HDAC9: variants seen among roughly 807,000 people sequenced by gnomAD.
HDAC9 encodes MEF-2 interacting transcription repressor (MITR) protein.
HDAC9 carries 41 observed loss-of-function variants against 139.4 expected under a neutral mutation model. The observed-to-expected ratio is 0.29, with a 90% CI of 0.23 to 0.38. The LOEUF is 0.38. HDAC9 is among the 10% of genes least tolerant of loss of function. The probability of loss-of-function intolerance (pLI) is 1.00; values close to 1 mark genes in which losing one functional copy is unlikely to be tolerated. For missense variants in HDAC9, 1,147 were observed against 1,297.0 expected (o/e 0.88, Z 1.78); for synonymous variants, 517 against 476.2 (o/e 1.09, Z -1.12).
intron 22 of HDAC9, among the ~76,000 whole-genome samples, chr7:18,921,867 G>C (rs1367900257): frequency 1.3e-5 from 2 of 152,024 alleles, no homozygotes; most frequent in Admixed American, 6.6e-5. Context: ...AGAAAATGTG[G>C]CACATATGCA....
At chr7:18,312,255 C>A (rs116934149) in intron 1 of HDAC9, among the ~76,000 whole-genome samples, 1,723 of 152,286 alleles carry the variant, frequency 0.011, 13 homozygotes, top group South Asian at 0.026. Context: ...ATCTATTTCT[C>A]CATCTTTTCC....
chr7:18,926,300 T>G (rs1465570965), intron 22 of HDAC9, among the ~76,000 whole-genome samples: 2 of 152,128 alleles, frequency 1.3e-5, no homozygotes, highest in Non-Finnish European at 2.9e-5. Context: ...TGAGCTATGA[T>G]GATGCCACTA....
intron 23 of HDAC9, among the ~76,000 whole-genome samples, chr7:18,936,368 A>C (rs566640628): frequency 6.6e-6 from 1 of 152,244 alleles, no homozygotes; most frequent in Admixed American, 6.5e-5. Flanking sequence ...AGGTATTTCC[A>C]TCTTACAGAT....
chr7:18,912,294 G>A (rs1470113027), intron 22 of HDAC9, among the ~76,000 whole-genome samples: 1 of 151,892 alleles, frequency 6.6e-6, no homozygotes, highest in Non-Finnish European at 1.5e-5. Context: ...ACTTTTCTCA[G>A]CTGTGAAAAT....
At chr7:18,901,388 T>C (rs570583348) in intron 22 of HDAC9, among the ~76,000 whole-genome samples, 1 of 152,218 alleles carries the variant, frequency 6.6e-6, no homozygotes, top group South Asian at 2.1e-4. Flanking sequence ...CGCCTGTTAT[T>C]TGTCTGCATT....
intron 8 of HDAC9, among the ~76,000 whole-genome samples, chr7:18,636,507 C>T (rs937962574): frequency 6.6e-6 from 1 of 152,024 alleles, no homozygotes; most frequent in Non-Finnish European, 1.5e-5. Flanking sequence ...ATATACCTTC[C>T]TTCTAGATTT....
At chr7:18,208,339 C>T (rs1562749777) in intron 2 of HDAC9, among the ~76,000 whole-genome samples, 2 of 151,012 alleles carry the variant, frequency 1.3e-5, no homozygotes, top group Non-Finnish European at 2.9e-5. Flanking sequence ...TGGGATGGAC[C>T]TAGTCATTTG....
At chr7:18,729,867 A>G (rs1048936376) in intron 13 of HDAC9, among the ~76,000 whole-genome samples, 4 of 152,224 alleles carry the variant, frequency 2.6e-5, no homozygotes, top group African/African-American at 9.6e-5. Flanking sequence ...GGCATTCAAT[A>G]AACATTTTAG....
At chr7:18,300,370 C>T (rs1463420966) in intron 1 of HDAC9, among the ~76,000 whole-genome samples, 2 of 152,092 alleles carry the variant, frequency 1.3e-5, no homozygotes, top group African/African-American at 4.8e-5. Context: ...ATTGGTTCCA[C>T]TCCTGGTGGA....
intron 1 of HDAC9, among the ~76,000 whole-genome samples, chr7:18,345,005 C>G (rs1321121596): frequency 6.6e-6 from 1 of 151,942 alleles, no homozygotes; most frequent in African/African-American, 2.4e-5. Flanking sequence ...CTTGGGCTCT[C>G]TACTAAAAGC....
rs149866484 is a variant in HDAC9 at position 18,931,363 on chromosome 7, C to T, written c.2804-4446C>T. On this transcript the variant is annotated intron_variant, in intron 22 of 25. Coordinates refer to ENST00000686413, the MANE Select transcript of HDAC9 (RefSeq NM_178425.4). ...AGTGGCCTGGGTAAAAGATTCTTAT[C>T]GGCATCATAATGAGGTCCATAGGAA... Among the ~76,000 whole-genome samples the T allele has an allele frequency of 9.9e-3, 1,510 of 152,178 alleles. 9 individuals are homozygous for T. The highest frequency in any genetic ancestry group is 0.014 in the Non-Finnish European group (978 of 68,018).
chr7:18,810,036 C>T (rs1034261344), intron 17 of HDAC9, among the ~76,000 whole-genome samples: 1 of 151,878 alleles, frequency 6.6e-6, no homozygotes, highest in African/African-American at 2.4e-5. Flanking sequence ...CTTATTCAGC[C>T]TTTAAAAAGA....
At position 18,926,558 on chromosome 7, in the gene HDAC9, G is replaced by A. The variant is rs559005531; in HGVS notation, c.2804-9251G>A. 2.0e-5 allele frequency among the ~76,000 whole-genome samples: 3 copies of A among 152,162 alleles called. No homozygotes were observed. The South Asian group carries it at 6.2e-4, about 32-fold the overall frequency. On this transcript the variant is annotated intron_variant, in intron 22 of 25. Coordinates refer to ENST00000686413, the MANE Select transcript of HDAC9 (RefSeq NM_178425.4). Reference sequence around the variant, plus strand: ...TATCTAATAGAAGTATCAGAATTATGTATAAAACTGTGGCACAGAGTAGGT... The same window carrying A: ...TATCTAATAGAAGTATCAGAATTATATATAAAACTGTGGCACAGAGTAGGT...
chr7:18,241,274 A>G (rs1794170682), intron 2 of HDAC9, among the ~76,000 whole-genome samples: 1 of 152,186 alleles, frequency 6.6e-6, no homozygotes, highest in African/African-American at 2.4e-5. Flanking sequence ...TCTTTTTGCA[A>G]ATGAAAATGT....
At chr7:18,984,128 T>G (rs1282436918) in intron 25 of HDAC9, among the ~76,000 whole-genome samples, 7 of 152,156 alleles carry the variant, frequency 4.6e-5, no homozygotes, top group Admixed American at 3.3e-4. Flanking sequence ...CTTATTTGAT[T>G]CCTTTATGTT....
chr7:18,987,614 A>C lies in HDAC9; in HGVS notation c.3171-8409A>C, dbSNP rs530508767. 5.3e-5 allele frequency among the ~76,000 whole-genome samples: 8 copies of C among 152,156 alleles called. No individual in the cohort carries two copies. In the East Asian group the frequency reaches 7.7e-4, roughly 15 times the overall value. Reference sequence around the variant, plus strand: ...GTTAGGGAGGATTCCCTCTTTTTCTATTGATTGGCATAGTTTCAGAAGGAA... The same window carrying C: ...GTTAGGGAGGATTCCCTCTTTTTCTCTTGATTGGCATAGTTTCAGAAGGAA... On this transcript the variant is annotated intron_variant, in intron 25 of 25. Coordinates refer to ENST00000686413, the MANE Select transcript of HDAC9 (RefSeq NM_178425.4).
At chr7:18,539,667 T>C (rs1424125838) in intron 2 of HDAC9, among the ~76,000 whole-genome samples, 1 of 151,530 alleles carries the variant, frequency 6.6e-6, no homozygotes, top group Non-Finnish European at 1.5e-5. Flanking sequence ...AAACAAAAAG[T>C]TTGTTGTTGT....
At chr7:18,946,803 A>C (rs1231294525) in intron 23 of HDAC9, among the ~76,000 whole-genome samples, 1 of 152,042 alleles carries the variant, frequency 6.6e-6, no homozygotes, top group African/African-American at 2.4e-5. Flanking sequence ...ACACTTGATA[A>C]ACTTGCTATA....
At position 18,284,281 on chromosome 7, in the gene HDAC9, C is replaced by A. The variant is rs185561958; in HGVS notation, c.25+121932C>A. On this transcript the variant is annotated intron_variant, in intron 2 of 12. Coordinates refer to the HDAC9 transcript ENST00000417496. ...GGTATTTACAACACACATATGCACA[C>A]ACATATGTATATATTTTTTCATCAA... 1.8e-3 allele frequency among the ~76,000 whole-genome samples: 271 copies of A among 152,208 alleles called. 2 individuals are homozygous for A. The highest frequency in any genetic ancestry group is 6.2e-3 in the African/African-American group (258 of 41,526).
Sources: allele counts gnomAD v4.1 joint callset (sites outside exome capture counted in the v4.1 genomes callset), GRCh38; gene constraint gnomAD v4.1.1; transcripts MANE v1.5; gene names NCBI Gene and HGNC (gene_info 2026-07-23, HGNC 2026-07-21).